UNC79: variants seen among roughly 807,000 people sequenced by gnomAD.
UNC79 encodes protein unc-79 homolog.
UNC79 carries 37 observed loss-of-function variants against 283.1 expected under a neutral mutation model. The observed-to-expected ratio is 0.13, with a 90% CI of 0.10 to 0.17. The LOEUF (loss-of-function observed/expected upper bound fraction) is 0.17. Ranked by LOEUF, UNC79 falls within the 10% of genes least tolerant of loss-of-function variation. The probability of loss-of-function intolerance (pLI) is 1.00; values close to 1 mark genes in which losing one functional copy is unlikely to be tolerated. For synonymous variants in UNC79, 1,107 were observed against 1,200.2 expected (o/e 0.92, Z 1.61); for missense variants, 2,272 against 3,211.1 (o/e 0.71, Z 7.07).
intron 1 of UNC79, among the ~76,000 whole-genome samples, chr14:93,387,896 T>C (rs1158450781): frequency 6.6e-6 from 1 of 152,240 alleles, no homozygotes; most frequent in Non-Finnish European, 1.5e-5. Flanking sequence ...ATTTACTTTA[T>C]ATATCTGGGT....
chr14:93,688,847 C>A lies in UNC79; in HGVS notation c.7085+7C>A. 6.2e-7 allele frequency: 1 copy of A among 1,610,572 alleles called. No homozygotes were observed. Among genetic ancestry groups the A allele is most frequent in the Non-Finnish European group, 8.5e-7 (1 of 1,178,176 alleles). ...CCTCTGCAATGCAGCAAGGGTAAGACCCTTACTATTCCGGGAATGAGGGTA... is the reference window on the plus strand; with the variant it reads ...CCTCTGCAATGCAGCAAGGGTAAGAACCTTACTATTCCGGGAATGAGGGTA... On this transcript the variant is annotated splice_region_variant and intron_variant, in intron 44 of 48. Transcript: ENST00000555664. This position sits in a 1 kb window ranked among gnomAD's most constrained non-coding sequence, Gnocchi z 4.0.
intron 1 of UNC79, among the ~76,000 whole-genome samples, chr14:93,345,645 C>G (rs1290669072): frequency 6.6e-6 from 1 of 151,830 alleles, no homozygotes. Flanking sequence ...AGGGACAAAA[C>G]GTTGATGAGT....
intron 1 of UNC79, among the ~76,000 whole-genome samples, chr14:93,421,156 A>C (rs900728735): frequency 6.6e-6 from 1 of 151,746 alleles, no homozygotes; most frequent in African/African-American, 2.4e-5. Context: ...AAAATCAATG[A>C]AACAAAAATT....
chr14:93,524,162 G>C, intron 8 of UNC79, 120 bp downstream of exon 8: 1 of 1,062,098 alleles, frequency 9.4e-7, no homozygotes, highest in African/African-American at 1.6e-5. Flanking sequence ...GTAATTCGAA[G>C]TACCTCCATA....
intron 14 of UNC79, among the ~76,000 whole-genome samples, chr14:93,553,017 T>C (rs1205863919): frequency 6.6e-6 from 1 of 152,234 alleles, no homozygotes; most frequent in African/African-American, 2.4e-5. Context: ...TGAAAGCATG[T>C]CATTCTCATA....
In UNC79 at chr14:93,659,179, A is replaced by T; in HGVS notation, c.6457-14A>T. On this transcript the variant is annotated splice_polypyrimidine_tract_variant and intron_variant, in intron 38 of 48. Transcript: ENST00000555664. ...TGGAAACTAATTTTTACTTTTTTTC[A>T]TATTTATTCACAGTGTTCTTTAGAT... is the stretch of plus-strand genomic sequence containing the variant. 1.9e-6 allele frequency: 3 copies of T among 1,588,440 alleles called. No individual in the cohort carries two copies. Among genetic ancestry groups the T allele is most frequent in the Admixed American group, 1.8e-5 (1 of 55,838 alleles).
chr14:93,364,430 T>C (rs1164681742), intron 1 of UNC79, among the ~76,000 whole-genome samples: 1 of 151,638 alleles, frequency 6.6e-6, no homozygotes, highest in South Asian at 2.1e-4. Context: ...TTTATTTTAA[T>C]TTATTGTAGG....
chr14:93,617,360 AGC>A lies in UNC79; in HGVS notation c.4224+57_4224+58del, dbSNP rs1344201784. 1.3e-6 allele frequency: 2 copies of A among 1,541,658 alleles called. No homozygotes were observed. Among genetic ancestry groups the A allele is most frequent in the Non-Finnish European group, 1.8e-6 (2 of 1,137,850 alleles). On this transcript the variant is annotated intron_variant, in intron 28 of 48. Transcript: ENST00000555664. The surrounding 1 kb of genome is among the most constrained non-coding windows in gnomAD (Gnocchi z 4.5). ...GCAATGGTTCTCTTAGAGAGCATATAGCATTAGGAGAACACCTGAGTCTTTAG... is the reference window on the plus strand; with the variant it reads ...GCAATGGTTCTCTTAGAGAGCATATAATTAGGAGAACACCTGAGTCTTTAG...
At chr14:93,671,532 G>A (rs558797687) in intron 40 of UNC79, among the ~76,000 whole-genome samples, 21 of 152,072 alleles carry the variant, frequency 1.4e-4, no homozygotes, top group Admixed American at 2.6e-4. Flanking sequence ...CAGCACTTTC[G>A]GAGGCCGAGG....
rs183574738 is a variant in UNC79, at chr14:93,507,428, A to T, written c.898+10142A>T. Among the ~76,000 whole-genome samples, 19 of 152,260 alleles carry T rather than the reference A, an allele frequency of 1.2e-4. No homozygotes were observed. The East Asian group carries it at 3.3e-3, about 26-fold the overall frequency. On this transcript the variant is annotated intron_variant, in intron 7 of 48. Transcript: ENST00000555664. ...GTTTTTAATTTTAGCCATTCTGGTG[A>T]GTGTGTATCTTGTGGCTTTAATTTA...
In UNC79 at chr14:93,617,348, TAGAG is replaced by T; in HGVS notation, c.4224+47_4224+50del. ...GCTGTTTTGGATGCAATGGTTCTCTTAGAGAGCATATAGCATTAGGAGAACACCT... is the reference window on the plus strand; with the variant it reads ...GCTGTTTTGGATGCAATGGTTCTCTTAGCATATAGCATTAGGAGAACACCT... On this transcript the variant is annotated intron_variant, in intron 28 of 48. Coordinates refer to ENST00000555664, the Ensembl canonical transcript of UNC79. This position sits in a 1 kb window ranked among gnomAD's most constrained non-coding sequence, Gnocchi z 4.5. The T allele has an allele frequency of 1.2e-6, 2 of 1,601,520 alleles. No individual in the cohort carries two copies. The highest frequency in any genetic ancestry group is 1.7e-6 in the Non-Finnish European group (2 of 1,172,210).
At chr14:93,592,215 C>T (rs2064742616) in intron 22 of UNC79, among the ~76,000 whole-genome samples, 5 of 145,964 alleles carry the variant, frequency 3.4e-5, no homozygotes, top group African/African-American at 1.3e-4. Context: ...CGCTCTGTCG[C>T]CCAGGCTGGA....
At chr14:93,622,271 A>G in exon 30 of UNC79, 2 of 1,614,106 alleles carry the variant, frequency 1.2e-6, no homozygotes, top group Non-Finnish European at 1.7e-6. Flanking sequence ...CCTCAGCCTG[A>G]GCACAGCTCC....
intron 1 of UNC79, among the ~76,000 whole-genome samples, chr14:93,455,734 A>G (rs1311504851): frequency 6.6e-6 from 1 of 152,212 alleles, no homozygotes; most frequent in Non-Finnish European, 1.5e-5. Flanking sequence ...TACTTATAGC[A>G]ACTCTGTGAG....
At chr14:93,630,591 G>A (rs8017947) in intron 30 of UNC79, among the ~76,000 whole-genome samples, 3,819 of 152,328 alleles carry the variant, frequency 0.025, 166 homozygotes, top group African/African-American at 0.088. Context: ...CCAAAAGGCA[G>A]ATCCATAGGT....
intron 1 of UNC79, among the ~76,000 whole-genome samples, chr14:93,399,076 G>T (rs1257672109): frequency 6.6e-6 from 1 of 152,160 alleles, no homozygotes; most frequent in Non-Finnish European, 1.5e-5. Flanking sequence ...AAGGTGGCAG[G>T]AGGGAGTGTG....
chr14:93,542,432 A>G, intron 13 of UNC79, 34 bp from the exon 14 acceptor site: 1 of 1,580,930 alleles, frequency 6.3e-7, no homozygotes, highest in South Asian at 1.1e-5. Context: ...AGATGGATGG[A>G]AGCCGAACAA....
At chr14:93,385,333 C>A (rs1210852380) in intron 1 of UNC79, among the ~76,000 whole-genome samples, 1 of 152,092 alleles carries the variant, frequency 6.6e-6, no homozygotes, top group Non-Finnish European at 1.5e-5. Flanking sequence ...TTGGTGTCTT[C>A]TTTAATTTTG....
chr14:93,527,639 T>C (rs762093817), intron 8 of UNC79, among the ~76,000 whole-genome samples: 1 of 152,136 alleles, frequency 6.6e-6, no homozygotes, highest in Non-Finnish European at 1.5e-5. Flanking sequence ...CCCTTCAAAT[T>C]TGTGAGAACA....
Sources: allele counts gnomAD v4.1 joint callset (sites outside exome capture counted in the v4.1 genomes callset), GRCh38; gene constraint gnomAD v4.1.1; non-coding constraint Gnocchi (gnomAD v3.1); transcripts MANE v1.5; gene names NCBI Gene and HGNC (gene_info 2026-07-23, HGNC 2026-07-21).